PLAT: variants seen among roughly 807,000 people sequenced by gnomAD.
The protein encoded by PLAT is plasminogen activator, tissue type, also known as tissue-type plasminogen activator.
Under a neutral mutation model 74.9 loss-of-function variants are expected in PLAT, and 48 were observed. The observed-to-expected ratio is 0.64, with a 90% CI of 0.51 to 0.82. The LOEUF (loss-of-function observed/expected upper bound fraction) is 0.82. Ranked by LOEUF, PLAT falls within the 40% of genes least tolerant of loss-of-function variation. PLAT has a pLI of 0.00. For synonymous variants in PLAT, 307 were observed against 294.4 expected, an observed-to-expected ratio of 1.04 and a Z score of -0.44; for missense variants, 673 against 736.2, an observed-to-expected ratio of 0.91 and a Z score of 0.99.
intron 6 of PLAT, 74 bp downstream of exon 6, chr8:42,187,324 G>T: frequency 7.5e-7 from 1 of 1,337,146 alleles, no homozygotes; most frequent in Non-Finnish European, 1.0e-6. Context: ...GAACCCTGAC[G>T]GATCTGACAG....
chr8:42,185,385 T>TC (rs900878814), intron 6 of PLAT: 10 of 384,920 alleles, frequency 2.6e-5, no homozygotes, highest in Middle Eastern at 6.9e-4. Flanking sequence ...AGCCTCAGCT[T>TC]CCCGAGTAGC....
At chr8:42,204,504 C>G (rs1264227331) in intron 1 of PLAT, among the ~76,000 whole-genome samples, 3 of 150,766 alleles carry the variant, frequency 2.0e-5, no homozygotes, top group South Asian at 2.1e-4. Flanking sequence ...TTTGCGAGGC[C>G]AAGGCGGGCA....
intron 13 of PLAT, among the ~76,000 whole-genome samples, chr8:42,178,264 C>CTTTTTTT (rs5891180): frequency 9.1e-5 from 10 of 110,056 alleles, no homozygotes; most frequent in African/African-American, 1.1e-4. Context: ...ACATTTCTTT[C>CTTTTTTT]TTTTTTTTTT....
chr8:42,188,068 C>A, intron 4 of PLAT, 52 bp from the exon 5 acceptor site: 2 of 1,119,410 alleles, frequency 1.8e-6, no homozygotes, highest in Non-Finnish European at 2.7e-6. Context: ...TCTGTGTGCT[C>A]AGGCCATGGT....
In PLAT at chr8:42,180,298, A is replaced by G; in HGVS notation, c.1166T>C (p.Val389Ala). 6.2e-7 allele frequency: 1 copy of G among 1,614,138 alleles called. No homozygotes were observed. The highest frequency in any genetic ancestry group is 8.5e-7 in the Non-Finnish European group (1 of 1,180,022). ...TTCCTTATGGACAATGTATTTTTCG[A>G]CTTCAAATTTCTGCTCCTCCTCGCC... ...VPGEEEQKFE[V>A]EKYIVHKEFD... Residue 389 changes from valine (V) to alanine (A), a missense_variant, in exon 11 of 14, where the codon GTC becomes GCC. By Grantham distance (64) the Val-to-Ala change is moderately conservative. Coordinates refer to ENST00000220809, the MANE Select transcript of PLAT (RefSeq NM_000930.5).
At chr8:42,202,934 T>C (rs1483546575) in intron 1 of PLAT, among the ~76,000 whole-genome samples, 1 of 152,144 alleles carries the variant, frequency 6.6e-6, no homozygotes, top group Non-Finnish European at 1.5e-5. Context: ...GGCTTGGCTC[T>C]GGGCCACAGC....
Position 42,182,728 on chromosome 8 carries a change from TTA to T in PLAT, c.792_793del (p.His264GlnfsTer7), listed in dbSNP as rs1564128069. 1 of 1,603,922 alleles carries T rather than the reference TTA, an allele frequency of 6.2e-7. No individual in the cohort carries two copies. The highest frequency in any genetic ancestry group is 1.7e-5 in the Admixed American group (1 of 57,806). On this transcript the variant is annotated frameshift_variant, in exon 8 of 14. Coordinates refer to ENST00000220809, the MANE Select transcript of PLAT (RefSeq NM_000930.5). LOFTEE classifies it high-confidence loss of function. The stretch of plus-strand genomic sequence containing the variant: ...CCCCTGTGCTACCTACCGGCAGTAA[TTA>T]TGTTTGCCCAGGCCCAGTGCCTGGG...
chr8:42,185,291 G>A (rs1805410493), intron 6 of PLAT, 119 bp from the exon 7 acceptor site: 1 of 529,820 alleles, frequency 1.9e-6, no homozygotes, highest in South Asian at 2.9e-5. Flanking sequence ...TTTTGACAGA[G>A]TCTCGCTGTT....
Position 42,181,974 on chromosome 8 carries a change from G to A in PLAT, c.852C>T (p.Arg284=). 1 of 1,612,938 alleles carries A rather than the reference G, an allele frequency of 6.2e-7. No homozygotes were observed. The highest frequency in any genetic ancestry group is 8.5e-7 in the Non-Finnish European group (1 of 1,178,890). Residue 284 remains arginine (R), a synonymous_variant, in exon 9 of 14, where the codon CGC becomes CGT. Coordinates refer to ENST00000220809, the MANE Select transcript of PLAT (RefSeq NM_000930.5). ...CATCACAGTACTCCCACGTCAGCCT[G>A]CGGTTCTTCAGCACGTGGCACCAGG... ...AKPWCHVLKN[R]RLTWEYCDVP... is the part of the protein sequence containing the mutation.
rs1248117949 is a variant in PLAT, at chr8:42,174,852, C to T, written c.*1141G>A. Among the ~76,000 whole-genome samples, 1 of 152,174 alleles carries T rather than the reference C, an allele frequency of 6.6e-6. No homozygotes were observed. The highest frequency in any genetic ancestry group is 1.5e-5 in the Non-Finnish European group (1 of 68,036). On this transcript the variant is annotated 3_prime_UTR_variant, in exon 14 of 14. Transcript: ENST00000220809. ...CTCCCTGTACTCCCCTCTCTTGGCC[C>T]TCTACATATTCATACCTCCATGGAG...
Position 42,197,167 on chromosome 8 carries a change from G to A in PLAT, c.-26-3956C>T, listed in dbSNP as rs8178713. On this transcript the variant is annotated intron_variant, in intron 1 of 13. Coordinates refer to ENST00000220809, the MANE Select transcript of PLAT (RefSeq NM_000930.5). Reference sequence around the variant, plus strand: ...GTGCAAATTAGAAAAAACAGAGTCCGTGGGTTGGCTGATAGAGTGCAGCCC... The same window carrying A: ...GTGCAAATTAGAAAAAACAGAGTCCATGGGTTGGCTGATAGAGTGCAGCCC... Among the ~76,000 whole-genome samples the A allele has an allele frequency of 1.4e-3, 207 of 152,336 alleles. 3 individuals carry two copies. Among genetic ancestry groups the A allele is most frequent in the African/African-American group, 4.4e-3 (184 of 41,572 alleles).
chr8:42,200,837 T>C (rs1161549786), intron 1 of PLAT, among the ~76,000 whole-genome samples: 2 of 152,044 alleles, frequency 1.3e-5, no homozygotes, highest in African/African-American at 2.4e-5. Flanking sequence ...TGTAACTTTT[T>C]TTTTTTTTCT....
intron 2 of PLAT, 96 bp from the exon 3 acceptor site, chr8:42,191,510 C>T: frequency 9.4e-7 from 1 of 1,061,752 alleles, no homozygotes; most frequent in South Asian, 1.3e-5. Context: ...ACCTGCCGGC[C>T]AGATACCTCT....
Position 42,206,366 on chromosome 8 carries a change from G to A in PLAT, c.-27+1128C>T, listed in dbSNP as rs2283121. Among the ~76,000 whole-genome samples the A allele has an allele frequency of 2.3e-3, 356 of 152,264 alleles. 11 individuals are homozygous for A. In the East Asian group the frequency reaches 0.058, roughly 25 times the overall value. On this transcript the variant is annotated intron_variant, in intron 1 of 13. Transcript: ENST00000220809. Reference sequence around the variant, plus strand: ...CCGACTCTGCCTGCACAGGAAGCACGCACCCAGCAGCTCATGCTGACCGTC... The same window carrying A: ...CCGACTCTGCCTGCACAGGAAGCACACACCCAGCAGCTCATGCTGACCGTC...
intron 9 of PLAT, 25 bp from the exon 10 acceptor site, chr8:42,180,710 A>G (rs2129707657): frequency 6.5e-7 from 1 of 1,535,072 alleles, no homozygotes; most frequent in East Asian, 2.3e-5. Flanking sequence ...ACGAGGAGGC[A>G]GTCAGTCCCA....
chr8:42,202,771 G>A (rs1482539553), intron 1 of PLAT, among the ~76,000 whole-genome samples: 1 of 152,162 alleles, frequency 6.6e-6, no homozygotes, highest in Non-Finnish European at 1.5e-5. Flanking sequence ...GGCTTGGAGT[G>A]GAATGTGGAG....
At chr8:42,188,626 T>G in intron 4 of PLAT, 1 of 290,732 alleles carries the variant, frequency 3.4e-6, no homozygotes, top group Non-Finnish European at 6.4e-6. Flanking sequence ...TTTGTTTTTG[T>G]TTGTGTTGTT....
intron 1 of PLAT, among the ~76,000 whole-genome samples, chr8:42,194,050 C>CTTTTTTTTTTTTTTTTTTTTTTTTTTTT (rs59850705): frequency 1.2e-5 from 1 of 84,910 alleles, no homozygotes; most frequent in Non-Finnish European, 2.0e-5. Context: ...TTTCTTCTTT[C>CTTTTTTTTTTTTTTTTTTTTTTTTTTTT]TTTTTTTTTT....
rs768663768 is a variant in PLAT, at chr8:42,187,566, C to G, written c.371G>C (p.Arg124Thr). The change falls in exon 6 of 14, where the codon AGG (arginine) becomes ACG (threonine). Residue 124 changes from arginine (R) to threonine (T), a missense_variant. Coordinates refer to ENST00000220809, the MANE Select transcript of PLAT (RefSeq NM_000930.5). The stretch of plus-strand genomic sequence containing the variant: ...GCCCTGGTCCTCGTAGCACGTGGCC[C>G]TGGTATCTGACAGAGAGCAGGGCAT... Reference protein sequence around the residue: ...FAGKCCEIDTRATCYEDQGIS... With the variant: ...FAGKCCEIDTTATCYEDQGIS... 1.3e-6 allele frequency: 2 copies of G among 1,595,132 alleles called. No homozygotes were observed. Among genetic ancestry groups the G allele is most frequent in the Admixed American group, 1.7e-5 (1 of 59,272 alleles).
Sources: gnomAD v4.1 joint callset for allele counts (sites outside exome capture counted in the v4.1 genomes callset) on GRCh38, gnomAD v4.1.1 for gene constraint, MANE v1.5 for transcripts, NCBI Gene and HGNC (gene_info 2026-07-23, HGNC 2026-07-21) for gene names.